The following MED13 variants were observed in gnomAD, a reference collection of about 807,000 sequenced individuals.
MED13 encodes mediator complex subunit 13, also known as mediator of RNA polymerase II transcription subunit 13.
A neutral mutation model predicts 225.2 loss-of-function variants in MED13; 23 were observed. That is an observed-to-expected ratio of 0.10 (90% confidence interval 0.07 to 0.14). MED13 has a LOEUF of 0.14. Ranked by LOEUF, MED13 falls within the 10% of genes least tolerant of loss-of-function variation. MED13 has a pLI of 1.00. For synonymous variants in MED13, 942 were observed against 889.2 expected (o/e 1.06, Z -1.06); for missense variants, 2,197 against 2,594.5 (o/e 0.85, Z 3.33).
intron 3 of MED13, among the ~76,000 whole-genome samples, chr17:62,043,590 A>G (rs1290826889): frequency 1.3e-5 from 2 of 152,202 alleles, no homozygotes; most frequent in Non-Finnish European, 2.9e-5. Flanking sequence ...TTTCACTAAT[A>G]AACACTACCA....
rs1394292383 is a variant in MED13 at position 61,962,928 on chromosome 17, A to T, written c.4888T>A (p.Ser1630Thr). 6.2e-7 allele frequency: 1 copy of T among 1,614,126 alleles called. No homozygotes were observed. The highest frequency in any genetic ancestry group is 1.3e-5 in the African/African-American group (1 of 75,040). Residue 1630 changes from serine to threonine, a missense_variant, in exon 21 of 30, where the codon TCA (serine) becomes ACA (threonine). Ser to Thr is a moderately conservative substitution (Grantham distance 58, BLOSUM62 1). Transcript: ENST00000397786. ...GCAGGTGGATACGTGACTGCATGTGAATCACCATCTGTGGGGATTCCCACT... is the reference window on the plus strand; with the variant it reads ...GCAGGTGGATACGTGACTGCATGTGTATCACCATCTGTGGGGATTCCCACT... ...DKVGIPTDGDSHAVTYPPAIV... is the reference protein window; with the variant it reads ...DKVGIPTDGDTHAVTYPPAIV...
At chr17:61,977,911 C>T (rs901154297) in intron 16 of MED13, among the ~76,000 whole-genome samples, 7 of 152,186 alleles carry the variant, frequency 4.6e-5, no homozygotes, top group Admixed American at 3.9e-4. Flanking sequence ...CTTTCTTGTA[C>T]TAAATTATTT....
intron 2 of MED13, among the ~76,000 whole-genome samples, chr17:62,053,143 A>G (rs2080970164): frequency 6.6e-6 from 1 of 152,228 alleles, no homozygotes; most frequent in Non-Finnish European, 1.5e-5. Flanking sequence ...AATTAAAGTC[A>G]AAACATTTCA....
At position 61,942,698 on chromosome 17, in the gene MED13, A is replaced by G. The variant is rs2079823744; in HGVS notation, c.*3770T>C. On this transcript the variant is annotated 3_prime_UTR_variant, in exon 30 of 30. Coordinates refer to ENST00000397786, the MANE Select transcript of MED13 (RefSeq NM_005121.3). ...AAGTATAAACCTTTTCATTTCCTCA[A>G]TCACAATTTGTACAACTCAGTGTTA... The G allele has an allele frequency of 6.6e-6, 1 of 151,874 alleles. No homozygotes were observed. The highest frequency in any genetic ancestry group is 2.4e-5 in the African/African-American group (1 of 41,246). The allele number at this position is 151,874 out of a possible 1,614,324, so 9.4% of individuals were successfully genotyped here.
At chr17:62,054,123 A>G (rs1371254253) in intron 2 of MED13, among the ~76,000 whole-genome samples, 2 of 152,028 alleles carry the variant, frequency 1.3e-5, no homozygotes, top group Non-Finnish European at 2.9e-5. Context: ...CCTCGCCAAC[A>G]TGATGAAAGC....
At chr17:61,967,714 T>A (rs1481754986) in intron 18 of MED13, among the ~76,000 whole-genome samples, 1 of 152,196 alleles carries the variant, frequency 6.6e-6, no homozygotes, top group African/African-American at 2.4e-5. Flanking sequence ...AAGACTAGAA[T>A]TTTTGTAAAT....
chr17:61,989,129 A>G (rs7221827), intron 11 of MED13, among the ~76,000 whole-genome samples: 11,404 of 148,162 alleles, frequency 0.077, 1,486 homozygotes, highest in African/African-American at 0.27. Flanking sequence ...CTCCTGCCTC[A>G]GCTCCCAAGT....
chr17:62,048,019 T>C (rs909463438), intron 3 of MED13, among the ~76,000 whole-genome samples: 1 of 135,250 alleles, frequency 7.4e-6, no homozygotes, highest in African/African-American at 2.8e-5. Context: ...TATATATACA[T>C]ATATACATAT....
intron 2 of MED13, among the ~76,000 whole-genome samples, chr17:62,057,917 G>T (rs1462513168): frequency 6.6e-6 from 1 of 152,064 alleles, no homozygotes; most frequent in African/African-American, 2.4e-5. Context: ...GGGAGAGGAC[G>T]CAGTGTTTGC....
In MED13 at chr17:62,014,326, A is replaced by G. The variant is rs1218128240; in HGVS notation, c.1284-3093T>C. On this transcript the variant is annotated intron_variant, in intron 8 of 29. Coordinates refer to ENST00000397786, the MANE Select transcript of MED13 (RefSeq NM_005121.3). ...TATATGTTTTTATATATATATATAT[A>G]TATATTTTGAGACACAGTTTCACTC... is the stretch of plus-strand genomic sequence containing the variant. Among the ~76,000 whole-genome samples the G allele has an allele frequency of 2.0e-5, 3 of 150,356 alleles. No individual in the cohort carries two copies. In the East Asian group the frequency reaches 5.9e-4, roughly 29 times the overall value.
At chr17:61,972,968 C>T (rs1050680235) in intron 16 of MED13, 80 bp from the exon 17 acceptor site, 6 of 1,215,722 alleles carry the variant, frequency 4.9e-6, no homozygotes, top group Non-Finnish European at 6.8e-6. Flanking sequence ...ATACAAAACA[C>T]ATATAGGGAA....
intron 16 of MED13, among the ~76,000 whole-genome samples, chr17:61,975,286 G>C (rs1018050413): frequency 6.6e-6 from 1 of 151,866 alleles, no homozygotes; most frequent in African/African-American, 2.4e-5. Context: ...TTTTAAAAAC[G>C]GGCAAAAAAT....
At chr17:61,955,919 G>C (rs892994699) in intron 24 of MED13, 81 bp from the exon 25 acceptor site, 23 of 1,362,640 alleles carry the variant, frequency 1.7e-5, no homozygotes, top group East Asian at 2.8e-5. Flanking sequence ...GTAGAACCAA[G>C]TTAAAGTTAA....
At chr17:62,051,791 C>A (rs768474961) in intron 3 of MED13, among the ~76,000 whole-genome samples, 1 of 152,176 alleles carries the variant, frequency 6.6e-6, no homozygotes, top group East Asian at 1.9e-4. Context: ...TTTTCTCTTC[C>A]CCACATCCCA....
At chr17:61,947,497 G>T (rs9904797) in intron 28 of MED13, among the ~76,000 whole-genome samples, 3,145 of 152,258 alleles carry the variant, frequency 0.021, 105 homozygotes, top group African/African-American at 0.072. Context: ...GCACTAAATT[G>T]AGTAGTTAAA....
Position 62,063,184 on chromosome 17 carries a change from T to G in MED13, c.184A>C (p.Lys62Gln). The G allele has an allele frequency of 6.2e-7, 1 of 1,614,190 alleles. No homozygotes were observed. Among genetic ancestry groups the G allele is most frequent in the South Asian group, 1.1e-5 (1 of 91,090 alleles). The change falls in exon 2 of 30, where the codon AAG becomes CAG. Residue 62 changes from lysine (K) to glutamine (Q), a missense_variant. Physicochemically the swap from Lys to Gln is moderately conservative, Grantham distance 53. Coordinates refer to ENST00000397786, the MANE Select transcript of MED13 (RefSeq NM_005121.3). ...PILSSFSRCL[K>Q]ADVLGVWRRD... ...CGCCAAACACCAAGTACATCTGCCT[T>G]AAGGCAGCGACTAAAACTGCTCAAA...
In MED13 at chr17:61,995,274, A is replaced by G; in HGVS notation, c.2059T>C (p.Ser687Pro). 4 of 1,613,776 alleles carry G rather than the reference A, an allele frequency of 2.5e-6. No individual in the cohort carries two copies. Among genetic ancestry groups the G allele is most frequent in the Non-Finnish European group, 3.4e-6 (4 of 1,179,848 alleles). ...IKNQCLSAIA[S>P]DAEQEPKIDP... ...ATTTTAGGTTCTTGTTCTGCATCAG[A>G]TGCTATTGCTGAAAGACACTGGTTT... Residue 687 changes from serine to proline, a missense_variant, in exon 10 of 30, where the codon TCT (serine) becomes CCT (proline). Ser to Pro is a moderately conservative substitution (Grantham distance 74). Around this residue, in one of 12 missense-constraint regions of MED13, gnomAD observed 884 missense variants for 918.5 expected, o/e 0.96. Coordinates refer to ENST00000397786, the MANE Select transcript of MED13 (RefSeq NM_005121.3).
chr17:61,993,272 G>A (rs2080318062), intron 10 of MED13, among the ~76,000 whole-genome samples: 1 of 143,180 alleles, frequency 7.0e-6, no homozygotes, highest in Non-Finnish European at 1.5e-5. Flanking sequence ...CATGATCTTG[G>A]CTCACTGCAA....
intron 4 of MED13, among the ~76,000 whole-genome samples, chr17:62,035,006 A>G (rs2080790191): frequency 6.6e-6 from 1 of 152,138 alleles, no homozygotes; most frequent in Non-Finnish European, 1.5e-5. Context: ...CTGTAACCCC[A>G]GCTACTCAGG....
Sources: gnomAD v4.1 joint callset for allele counts (sites outside exome capture counted in the v4.1 genomes callset) on GRCh38, gnomAD v4.1.1 for gene constraint, gnomAD v4.1.1 regional missense constraint, MANE v1.5 for transcripts, NCBI Gene and HGNC (gene_info 2026-07-23, HGNC 2026-07-21) for gene names.